The following AUTS2 variants were observed in gnomAD, a reference collection of about 807,000 sequenced individuals.
AUTS2 encodes the protein autism susceptibility gene 2 protein.
In AUTS2, 17 loss-of-function variants were observed where a neutral mutation model predicts 112.4. That is an observed-to-expected ratio of 0.15 (90% CI 0.10 to 0.23). The LOEUF (loss-of-function observed/expected upper bound fraction) is 0.23, where lower values mean the gene tolerates loss of function less well. Among genes scored for constraint, AUTS2 ranks in the 10% least tolerant of loss-of-function variants. The probability of loss-of-function intolerance (pLI) is 1.00; values close to 1 mark genes in which losing one functional copy is unlikely to be tolerated. For synonymous variants in AUTS2, 751 were observed against 702.7 expected (o/e 1.07, Z -1.09); for missense variants, 1,510 against 1,701.6 (o/e 0.89, Z 1.98).
chr7:69,633,102 A>G (rs1173622302), intron 1 of AUTS2, among the ~76,000 whole-genome samples: 1 of 151,894 alleles, frequency 6.6e-6, no homozygotes, highest in Non-Finnish European at 1.5e-5. Flanking sequence ...TTTCCTTCCT[A>G]CCCCTAGTAA....
At chr7:70,590,735 C>G (rs891759044) in intron 5 of AUTS2, among the ~76,000 whole-genome samples, 1 of 152,170 alleles carries the variant, frequency 6.6e-6, no homozygotes, top group Non-Finnish European at 1.5e-5. Context: ...AATGTAGAAA[C>G]AGTCTGAGTT....
intron 2 of AUTS2, among the ~76,000 whole-genome samples, chr7:69,907,093 C>T (rs1795177329): frequency 6.6e-6 from 1 of 152,126 alleles, no homozygotes; most frequent in African/African-American, 2.4e-5. Context: ...GGCAACAGAG[C>T]GAGGTCCTGT....
At chr7:70,120,339 CAA>C (rs1483835771) in intron 3 of AUTS2, 2 of 151,914 alleles carry the variant, frequency 1.3e-5, no homozygotes, top group Non-Finnish European at 2.9e-5. Context: ...GATATAATAT[CAA>C]AGTTATATAA....
At chr7:70,507,712 G>A (rs899031691) in intron 5 of AUTS2, among the ~76,000 whole-genome samples, 2 of 152,040 alleles carry the variant, frequency 1.3e-5, no homozygotes, top group East Asian at 1.9e-4. Flanking sequence ...CAGGAGAATC[G>A]CTTGAACCCA....
At chr7:70,653,066 G>A (rs1035546536) in intron 5 of AUTS2, among the ~76,000 whole-genome samples, 13 of 152,136 alleles carry the variant, frequency 8.5e-5, no homozygotes, top group African/African-American at 2.6e-4. Flanking sequence ...ACCAGCCTGG[G>A]CAACATAGGA....
intron 4 of AUTS2, among the ~76,000 whole-genome samples, chr7:70,339,034 T>C (rs1455421433): frequency 1.3e-5 from 2 of 151,712 alleles, no homozygotes; most frequent in Admixed American, 1.3e-4. Flanking sequence ...AGCTAATTTT[T>C]TTTGTATTTT....
chr7:69,604,846 G>T (rs555321073), intron 1 of AUTS2, among the ~76,000 whole-genome samples: 1 of 152,334 alleles, frequency 6.6e-6, no homozygotes, highest in East Asian at 1.9e-4. Context: ...TTATCCATTA[G>T]TGGAGAGGTT....
At chr7:69,623,738 T>C (rs1793797678) in intron 1 of AUTS2, among the ~76,000 whole-genome samples, 10 of 152,130 alleles carry the variant, frequency 6.6e-5, no homozygotes, top group Admixed American at 6.6e-4. Flanking sequence ...TAAAACCTTA[T>C]TTACTGTAAA....
chr7:70,439,697 T>C (rs1321312475), intron 5 of AUTS2, among the ~76,000 whole-genome samples: 7 of 152,188 alleles, frequency 4.6e-5, no homozygotes, highest in African/African-American at 1.7e-4. Context: ...GCAATTATTC[T>C]GATCCCCCAT....
rs778241912 is a variant in AUTS2, at chr7:70,763,377, CCT to C, written c.1214+40_1214+41del. ...TGCTCTTCTTTGGCCTGACTTTTGC[CCT>C]CTCCCTGGGGATCAGGTGGGTGGGA... On this transcript the variant is annotated intron_variant, in intron 7 of 18. Coordinates refer to ENST00000342771, the MANE Select transcript of AUTS2 (RefSeq NM_015570.4). 9.4e-6 allele frequency: 14 copies of C among 1,486,280 alleles called. No individual in the cohort carries two copies. The African/African-American group carries it at 2.0e-4, about 21-fold the overall frequency. The allele number at this position is 1,486,280 out of a possible 1,614,324, so 92.1% of individuals were successfully genotyped here. A position where few individuals can be genotyped will look rare whatever the true frequency, so the allele number is the denominator to read the frequency against.
At chr7:70,479,185 A>C (rs1347117403) in intron 5 of AUTS2, among the ~76,000 whole-genome samples, 1 of 152,102 alleles carries the variant, frequency 6.6e-6, no homozygotes, top group African/African-American at 2.4e-5. Context: ...GACCCTTTTT[A>C]ATGACTTTTT....
intron 4 of AUTS2, among the ~76,000 whole-genome samples, chr7:70,171,086 T>A (rs1442998936): frequency 6.6e-6 from 1 of 152,246 alleles, no homozygotes; most frequent in Non-Finnish European, 1.5e-5. Flanking sequence ...GTTATTTGTA[T>A]GTCTCATGGA....
intron 4 of AUTS2, among the ~76,000 whole-genome samples, chr7:70,409,982 A>G (rs1198329975): frequency 1.3e-5 from 2 of 152,242 alleles, no homozygotes; most frequent in East Asian, 3.8e-4. Context: ...AGTTGAGTGC[A>G]TTTAGAAGCT....
At chr7:70,443,422 T>C (rs1409937039) in intron 5 of AUTS2, among the ~76,000 whole-genome samples, 1 of 152,188 alleles carries the variant, frequency 6.6e-6, no homozygotes, top group Non-Finnish European at 1.5e-5. Context: ...TGATCCAACA[T>C]TGACTATCCA....
intron 4 of AUTS2, among the ~76,000 whole-genome samples, chr7:70,288,532 G>C (rs764244582): frequency 6.6e-6 from 1 of 152,098 alleles, no homozygotes; most frequent in Non-Finnish European, 1.5e-5. Flanking sequence ...GGTTTGGTCT[G>C]CCTGTGCTTC....
intron 3 of AUTS2, among the ~76,000 whole-genome samples, chr7:70,128,641 G>A (rs1051120724): frequency 6.6e-6 from 1 of 152,222 alleles, no homozygotes; most frequent in African/African-American, 2.4e-5. Context: ...GAGTGAAGTA[G>A]CACAGTGGCT....
At chr7:70,433,370 G>A (rs1335723465) in intron 4 of AUTS2, among the ~76,000 whole-genome samples, 1 of 152,150 alleles carries the variant, frequency 6.6e-6, no homozygotes, top group African/African-American at 2.4e-5. Flanking sequence ...ACATGAGCCT[G>A]CCTGGCAAAA....
chr7:69,976,580 A>G (rs897248678), intron 2 of AUTS2, among the ~76,000 whole-genome samples: 5 of 152,140 alleles, frequency 3.3e-5, no homozygotes, highest in African/African-American at 1.2e-4. Flanking sequence ...CCATTTTACA[A>G]TCCCACCATT....
chr7:70,605,546 C>CTCTTTTTTTTTT (rs1554440368), intron 5 of AUTS2, among the ~76,000 whole-genome samples: 1 of 70,664 alleles, frequency 1.4e-5, no homozygotes, highest in African/African-American at 6.6e-5. Context: ...CCTTCTTTCT[C>CTCTTTTTTTTTT]TTTTTTTTTT....
Sources: gnomAD v4.1 joint callset for allele counts (sites outside exome capture counted in the v4.1 genomes callset) on GRCh38, gnomAD v4.1.1 for gene constraint, MANE v1.5 for transcripts, NCBI Gene and HGNC (gene_info 2026-07-23, HGNC 2026-07-21) for gene names.